NEBL: variants seen among roughly 807,000 people sequenced by gnomAD.
NEBL encodes LIM and SH3 protein 2.
A neutral mutation model predicts 140.2 loss-of-function variants in NEBL; 122 were observed. The ratio of observed to expected loss-of-function variants is 0.87; its 90% CI spans 0.75 to 1.01. NEBL has a LOEUF of 1.01. Among genes scored for constraint, NEBL ranks in the 50% least tolerant of loss-of-function variants. NEBL has a pLI of 0.00. For missense variants in NEBL, 1,365 were observed against 1,231.3 expected (o/e 1.11, Z -1.62); for synonymous variants, 436 against 398.9 (o/e 1.09, Z -1.11).
chr10:21,165,636 A>G (rs149705806), intron 2 of NEBL, among the ~76,000 whole-genome samples: 11 of 152,290 alleles, frequency 7.2e-5, no homozygotes, highest in Non-Finnish European at 1.2e-4. Flanking sequence ...AATCTCGTCT[A>G]CGTGCCAGGC....
At chr10:20,826,400 T>A (rs768331525) in intron 18 of NEBL, 47 bp downstream of exon 18, 2 of 1,424,942 alleles carry the variant, frequency 1.4e-6, no homozygotes, top group Non-Finnish European at 2.0e-6. Flanking sequence ...TTGTCTATAG[T>A]TTTGGTTTGC....
chr10:20,788,087 G>A (rs1251644230), intron 26 of NEBL, among the ~76,000 whole-genome samples: 1 of 152,118 alleles, frequency 6.6e-6, no homozygotes. Flanking sequence ...CTGTTTTGAA[G>A]AACTCGGAAT....
At chr10:20,786,606 A>G (rs1835426790) in intron 27 of NEBL, among the ~76,000 whole-genome samples, 1 of 152,184 alleles carries the variant, frequency 6.6e-6, no homozygotes, top group Admixed American at 6.6e-5. Flanking sequence ...GACCCAAAGA[A>G]TTTTAGAGCA....
chr10:20,844,857 C>T (rs565129426), intron 12 of NEBL, among the ~76,000 whole-genome samples: 3 of 151,924 alleles, frequency 2.0e-5, no homozygotes, highest in South Asian at 2.1e-4. Flanking sequence ...TGCAGGAAAG[C>T]GACAGGAAAA....
intron 3 of NEBL, among the ~76,000 whole-genome samples, chr10:20,983,039 T>C (rs1223342568): frequency 6.6e-6 from 1 of 152,148 alleles, no homozygotes; most frequent in African/African-American, 2.4e-5. Context: ...GTAAGGTAGG[T>C]ACCCTAACCC....
chr10:21,122,233 C>T (rs367772718), intron 2 of NEBL, among the ~76,000 whole-genome samples: 5 of 152,078 alleles, frequency 3.3e-5, no homozygotes, highest in East Asian at 3.9e-4. Context: ...ACCATGTTGG[C>T]CAGGCTGGTC....
At chr10:21,264,877 G>A (rs549718769) in intron 1 of NEBL, among the ~76,000 whole-genome samples, 85 of 151,946 alleles carry the variant, frequency 5.6e-4, no homozygotes, top group African/African-American at 1.9e-3. Context: ...CCTTCTTGCT[G>A]CATCCTCACG....
At chr10:20,865,966 C>T (rs1480799422) in intron 7 of NEBL, among the ~76,000 whole-genome samples, 1 of 152,144 alleles carries the variant, frequency 6.6e-6, no homozygotes, top group African/African-American at 2.4e-5. Flanking sequence ...CTGGGAGGTT[C>T]ACCATTTGTG....
At chr10:20,945,981 A>T (rs375350283) in intron 4 of NEBL, among the ~76,000 whole-genome samples, 1 of 152,302 alleles carries the variant, frequency 6.6e-6, no homozygotes, top group East Asian at 1.9e-4. Flanking sequence ...ATTTCCAGGG[A>T]TTGTTGCTAA....
chr10:21,167,165 G>A (rs746690371), intron 2 of NEBL, among the ~76,000 whole-genome samples: 29 of 152,200 alleles, frequency 1.9e-4, no homozygotes, highest in Non-Finnish European at 3.7e-4. Flanking sequence ...AAATATTCAC[G>A]AGAGGGAATG....
At chr10:21,034,524 T>C (rs900444724) in intron 2 of NEBL, among the ~76,000 whole-genome samples, 4 of 152,188 alleles carry the variant, frequency 2.6e-5, no homozygotes, top group African/African-American at 7.2e-5. Flanking sequence ...TTGCAATACA[T>C]AGACTCTACT....
At chr10:21,054,485 A>G (rs1166534304) in intron 2 of NEBL, among the ~76,000 whole-genome samples, 1 of 152,178 alleles carries the variant, frequency 6.6e-6, no homozygotes, top group East Asian at 1.9e-4. Context: ...TGCCTCTCGG[A>G]CAGGCATCGG....
chr10:20,933,491 T>C (rs1478531350), intron 4 of NEBL, among the ~76,000 whole-genome samples: 2 of 152,150 alleles, frequency 1.3e-5, no homozygotes, highest in African/African-American at 4.8e-5. Flanking sequence ...CCCAGCACTT[T>C]GGGAGGACAA....
intron 2 of NEBL, among the ~76,000 whole-genome samples, chr10:21,137,366 C>T (rs2132085529): frequency 6.6e-6 from 1 of 152,310 alleles, no homozygotes; most frequent in Non-Finnish European, 1.5e-5. Flanking sequence ...TTCTTGCATG[C>T]TTAGTCTTCA....
chr10:20,819,334 T>G, intron 20 of NEBL, 90 bp downstream of exon 20: 1 of 1,595,122 alleles, frequency 6.3e-7, no homozygotes, highest in South Asian at 1.1e-5. Context: ...TGTGTTAGTT[T>G]GCTAAGGATA....
At chr10:20,852,673 A>G in intron 9 of NEBL, 24 bp from the exon 10 acceptor site, 4 of 1,539,472 alleles carry the variant, frequency 2.6e-6, no homozygotes, top group African/African-American at 1.4e-5. Context: ...TGGGGAAATC[A>G]ACTTAGAATC....
chr10:21,067,797 T>C (rs1835634999), intron 2 of NEBL, among the ~76,000 whole-genome samples: 1 of 151,842 alleles, frequency 6.6e-6, no homozygotes, highest in African/African-American at 2.4e-5. Flanking sequence ...GGCAACATAA[T>C]GAGAACTTGT....
In NEBL at chr10:21,126,739, C is replaced by T. The variant is rs575816082; in HGVS notation, c.164+45644G>A. On this transcript the variant is annotated intron_variant, in intron 2 of 6. Coordinates refer to the NEBL transcript ENST00000417816. Reference sequence around the variant, plus strand: ...CTGTAATCCCAGCACTTTGGGAGGCCGAGGCGGGTGGATCATGAGGGTCAG... The same window carrying T: ...CTGTAATCCCAGCACTTTGGGAGGCTGAGGCGGGTGGATCATGAGGGTCAG... Among the ~76,000 whole-genome samples, 51 of 151,882 alleles carry T rather than the reference C, an allele frequency of 3.4e-4. No individual in the cohort carries two copies. The East Asian group carries it at 9.1e-3, about 27-fold the overall frequency.
chr10:21,160,063 G>A (rs566810295), intron 2 of NEBL, among the ~76,000 whole-genome samples: 1 of 152,282 alleles, frequency 6.6e-6, no homozygotes, highest in Non-Finnish European at 1.5e-5. Context: ...CCCAGAGAAA[G>A]AAGCCAGACT....
Sources: gnomAD v4.1 joint callset for allele counts (sites outside exome capture counted in the v4.1 genomes callset) on GRCh38, gnomAD v4.1.1 for gene constraint, MANE v1.5 for transcripts, NCBI Gene and HGNC (gene_info 2026-07-23, HGNC 2026-07-21) for gene names.